The following LAMA3 variants were observed in gnomAD, a reference collection of about 807,000 sequenced individuals.
LAMA3 encodes the protein laminin subunit alpha 3.
LAMA3 carries 281 observed loss-of-function variants against 402.0 expected under a neutral mutation model. The observed-to-expected ratio is 0.70, with a 90% CI of 0.63 to 0.77. LAMA3 has a LOEUF of 0.77. LAMA3 is among the 30% of genes least tolerant of loss of function. The probability of loss-of-function intolerance (pLI) is 0.00; values close to 1 mark genes in which losing one functional copy is unlikely to be tolerated. For synonymous variants in LAMA3, 1,431 were observed against 1,558.4 expected (o/e 0.92, Z 1.93); for missense variants, 3,840 against 4,215.5 (o/e 0.91, Z 2.47).
chr18:23,810,336 G>A (rs368995411), intron 12 of LAMA3, 30 bp from the exon 13 acceptor site: 23 of 1,613,398 alleles, frequency 1.4e-5, no homozygotes, highest in Middle Eastern at 1.6e-4. Flanking sequence ...TGCAACCCCC[G>A]CCTAAGTCTG....
At chr18:23,872,132 C>T (rs2064542860) in intron 38 of LAMA3, among the ~76,000 whole-genome samples, 1 of 152,172 alleles carries the variant, frequency 6.6e-6, no homozygotes, top group African/African-American at 2.4e-5. Context: ...AAGGAGCTCA[C>T]CAGCCAGCAT....
chr18:23,907,456 C>G (rs964954072), intron 52 of LAMA3, 94 bp from the exon 53 acceptor site: 2 of 884,478 alleles, frequency 2.3e-6, no homozygotes, highest in African/African-American at 3.3e-5. Context: ...CTACTCAATG[C>G]TGTGCAGACA....
At chr18:23,719,147 C>T (rs934983080) in intron 2 of LAMA3, among the ~76,000 whole-genome samples, 1 of 152,126 alleles carries the variant, frequency 6.6e-6, no homozygotes, top group Admixed American at 6.5e-5. Flanking sequence ...AATAAACTAC[C>T]TCTACTCAAG....
rs774478757 is a variant in LAMA3, at chr18:23,909,169, C to A, written c.7032C>A (p.Asn2344Lys). 2 of 1,613,974 alleles carry A rather than the reference C, an allele frequency of 1.2e-6. No homozygotes were observed. Among genetic ancestry groups the A allele is most frequent in the Non-Finnish European group, 1.7e-6 (2 of 1,179,922 alleles). ...DADNSVNKLT[N>K]KLPDLWRKIE... ...CACCAACAGTGAATAAGTTAACCAACAAACTACCTGATCTTTGGCGCAAGA... is the reference window on the plus strand; with the variant it reads ...CACCAACAGTGAATAAGTTAACCAAAAAACTACCTGATCTTTGGCGCAAGA... The change falls in exon 55 of 75, where the codon AAC becomes AAA. Residue 2344 changes from asparagine to lysine, a missense_variant. This residue lies in a region of LAMA3 where 891 missense variants were observed against 857.5 expected (regional missense o/e 1.04). Transcript: ENST00000313654.
chr18:23,783,687 A>G (rs1275694388), intron 11 of LAMA3, among the ~76,000 whole-genome samples: 1 of 152,246 alleles, frequency 6.6e-6, no homozygotes, highest in Non-Finnish European at 1.5e-5. Context: ...CATTTAATTC[A>G]CGATTGTCAT....
chr18:23,710,397 C>T, intron 1 of LAMA3: 1 of 297,078 alleles, frequency 3.4e-6, no homozygotes, highest in African/African-American at 2.2e-5. Context: ...GGTGCCAAGG[C>T]TTTACTTGCA....
At position 23,717,719 on chromosome 18, in the gene LAMA3, A is replaced by ATTTTTTTTTT. The variant is rs1568109215; in HGVS notation, c.447+3647_447+3648insTTTTTTTTTT. 5.1e-5 allele frequency among the ~76,000 whole-genome samples: 6 copies of ATTTTTTTTTT among 116,806 alleles called. 3 individuals carry two copies. The highest frequency in any genetic ancestry group is 1.6e-4 in the African/African-American group (4 of 25,646). The allele number at this position is 116,806 out of a possible 152,430, so 76.6% of individuals were successfully genotyped here. A position where few individuals can be genotyped will look rare whatever the true frequency, so the allele number is the denominator to read the frequency against. On this transcript the variant is annotated intron_variant, in intron 2 of 74. Transcript: ENST00000313654. ...AGGTGCCCACCACCATGCCTGGCTA[A>ATTTTTTTTTT]ATTTTTTTTTTTTTTTTTTTTTTTT...
Position 23,857,835 on chromosome 18 carries a change from T to C in LAMA3, c.4137-9T>C, listed in dbSNP as rs1189202728. On this transcript the variant is annotated splice_polypyrimidine_tract_variant and intron_variant, in intron 32 of 74. Transcript: ENST00000313654. ...ATGATGATTTTTGCTTCCTTTACTT[T>C]GTGTACAGATGCAAGCCCAGAATCA... The C allele has an allele frequency of 3.1e-6, 5 of 1,614,240 alleles. No individual in the cohort carries two copies. The highest frequency in any genetic ancestry group is 3.4e-6 in the Non-Finnish European group (4 of 1,180,034).
chr18:23,925,946 C>T (rs1478284410), intron 62 of LAMA3, among the ~76,000 whole-genome samples: 1 of 152,214 alleles, frequency 6.6e-6, no homozygotes, highest in Non-Finnish European at 1.5e-5. Context: ...AGTACAGACC[C>T]CAGCTCTACC....
intron 30 of LAMA3, among the ~76,000 whole-genome samples, chr18:23,845,888 T>C (rs10853591): frequency 0.63 from 94,998 of 151,924 alleles, 30,164 homozygotes; most frequent in Admixed American, 0.66. Flanking sequence ...ATTACTAAGG[T>C]TTCCAGCACA....
Position 23,757,838 on chromosome 18 carries a change from T to G in LAMA3, c.948-558T>G, listed in dbSNP as rs77601317. Among the ~76,000 whole-genome samples, 1,491 of 152,346 alleles carry G rather than the reference T, an allele frequency of 9.8e-3. 18 individuals carry two copies. Among genetic ancestry groups the G allele is most frequent in the Non-Finnish European group, 0.017 (1,146 of 68,030 alleles). ...GAAATGAGACTTTTAACCCTTTGCT[T>G]CTCTGAGTGGTCTCAGCTTTTGGCC... On this transcript the variant is annotated intron_variant, in intron 6 of 74. Coordinates refer to ENST00000313654, the MANE Select transcript of LAMA3 (RefSeq NM_198129.4).
intron 48 of LAMA3, among the ~76,000 whole-genome samples, chr18:23,901,712 A>G (rs982013823): frequency 2.0e-5 from 3 of 152,384 alleles, no homozygotes; most frequent in Admixed American, 1.3e-4. Context: ...CATAATTATC[A>G]TAATCACCAG....
At chr18:23,798,267 T>A (rs61111692) in intron 12 of LAMA3, among the ~76,000 whole-genome samples, 5,069 of 152,222 alleles carry the variant, frequency 0.033, 275 homozygotes, top group African/African-American at 0.12. Context: ...TTTCATGACA[T>A]GAACTGAAGG....
intron 2 of LAMA3, among the ~76,000 whole-genome samples, chr18:23,741,353 C>T (rs964378541): frequency 2.0e-5 from 3 of 151,516 alleles, no homozygotes; most frequent in African/African-American, 7.3e-5. Context: ...TAAAAGGATC[C>T]CTTTTCAGAC....
rs2064570807 is a variant in LAMA3 at position 23,872,881 on chromosome 18, G to GGCTGA, written c.4998+1220_4998+1221insGCTGA. On this transcript the variant is annotated intron_variant, in intron 38 of 74. Transcript: ENST00000313654. Reference sequence around the variant, plus strand: ...GCTTACCTGCGGGACTGTTATGTGCGCTCTGGCACAGGCTGACTCATGTGT... The same window carrying GGCTGA: ...GCTTACCTGCGGGACTGTTATGTGCGGCTGACTCTGGCACAGGCTGACTCATGTGT... 4 of 736,988 alleles carry GGCTGA rather than the reference G, an allele frequency of 5.4e-6. No homozygotes were observed. In the East Asian group the frequency reaches 1.1e-4, roughly 20 times the overall value. 45.7% of individuals were successfully genotyped at this position (736,988 alleles called of 1,614,324 possible). A position where few individuals can be genotyped will look rare whatever the true frequency, so the allele number is the denominator to read the frequency against.
At position 23,886,346 on chromosome 18, in the gene LAMA3, G is replaced by A. The variant is rs562309582; in HGVS notation, c.5303+1493G>A. Among the ~76,000 whole-genome samples the A allele has an allele frequency of 1.1e-4, 17 of 152,276 alleles. No individual in the cohort carries two copies. In the South Asian group the frequency reaches 2.7e-3, roughly 24 times the overall value. ...GAAAGGATCAATATTTTAAATATTT[G>A]CTAATTAGGGCCAAGCATGGTGGCT... On this transcript the variant is annotated intron_variant, in intron 41 of 74. Transcript: ENST00000313654.
chr18:23,753,687 G>A (rs1195221967), intron 5 of LAMA3, 34 bp from the exon 6 acceptor site: 1 of 1,542,408 alleles, frequency 6.5e-7, no homozygotes, highest in East Asian at 2.2e-5. Flanking sequence ...TCACTGTTCA[G>A]TGAAACTTGC....
chr18:23,698,426 C>T (rs2060727235), intron 1 of LAMA3, among the ~76,000 whole-genome samples: 1 of 152,078 alleles, frequency 6.6e-6, no homozygotes, highest in South Asian at 2.1e-4. Context: ...AGGATGGTCT[C>T]AATCTCCTGA....
At chr18:23,791,722 T>G (rs530694208) in intron 12 of LAMA3, among the ~76,000 whole-genome samples, 1 of 124,680 alleles carries the variant, frequency 8.0e-6, no homozygotes, top group Non-Finnish European at 1.6e-5. Flanking sequence ...CATCACAGAC[T>G]GAGAATTTGT....
Sources: allele counts gnomAD v4.1 joint callset (sites outside exome capture counted in the v4.1 genomes callset), GRCh38; gene constraint gnomAD v4.1.1; regional missense constraint gnomAD v4.1.1; transcripts MANE v1.5; gene names NCBI Gene and HGNC (gene_info 2026-07-23, HGNC 2026-07-21).